The following PDCD5 variants were observed in gnomAD, a reference collection of about 807,000 sequenced individuals.
PDCD5 encodes programmed cell death protein 5.
In PDCD5, 23 loss-of-function variants were observed where a neutral mutation model predicts 21.9. The ratio of observed to expected loss-of-function variants is 1.05; its 90% CI spans 0.76 to 1.49. The LOEUF (loss-of-function observed/expected upper bound fraction) is 1.49, where lower values mean the gene tolerates loss of function less well. PDCD5 is among the 40% of genes most tolerant of loss of function. PDCD5 has a pLI of 0.00. For missense variants in PDCD5, 152 were observed against 147.7 expected (o/e 1.03, Z -0.15); for synonymous variants, 45 against 49.4 (o/e 0.91, Z 0.37).
Position 32,586,930 on chromosome 19 carries a change from G to GT in PDCD5, c.330+2dup, listed in dbSNP as rs1971483203. 1 of 1,607,904 alleles carries GT rather than the reference G, an allele frequency of 6.2e-7. No homozygotes were observed. Among genetic ancestry groups the GT allele is most frequent in the Non-Finnish European group, 8.5e-7 (1 of 1,175,864 alleles). ...AACAGAAAAGACAACAACAGTGAAA[G>GT]TAAGTGTCCCCAGATGCTTGTGGCA... On this transcript the variant is annotated splice_donor_variant, in intron 5 of 5. Coordinates refer to ENST00000590247, the MANE Select transcript of PDCD5 (RefSeq NM_004708.4). LOFTEE classifies it high-confidence loss of function.
chr19:32,584,566 C>G (rs1971458423), intron 2 of PDCD5, among the ~76,000 whole-genome samples: 1 of 152,170 alleles, frequency 6.6e-6, no homozygotes, highest in Non-Finnish European at 1.5e-5. Context: ...TCAGCTTTAT[C>G]TCTAAGAAAA....
chr19:32,582,050 G>A (rs770316724), intron 1 of PDCD5, 145 bp from the exon 2 acceptor site: 5 of 679,602 alleles, frequency 7.4e-6, no homozygotes, highest in Non-Finnish European at 1.3e-5. Context: ...CTAGTTCATT[G>A]ATTTCTGTGA....
Position 32,581,197 on chromosome 19 carries a change from A to G in PDCD5, c.-65A>G. ...CCCCGCGAGCGCCTGCGCAGTGGTC[A>G]AGGCCGCGCTCGCGCCGAGGGGCTG... On this transcript the variant is annotated 5_prime_UTR_variant, in exon 1 of 6. Coordinates refer to ENST00000590247, the MANE Select transcript of PDCD5 (RefSeq NM_004708.4). 1.6e-6 allele frequency: 2 copies of G among 1,254,148 alleles called. No homozygotes were observed. The highest frequency in any genetic ancestry group is 1.6e-5 in the South Asian group (1 of 63,770). The allele number at this position is 1,254,148 out of a possible 1,614,324, so 77.7% of individuals were successfully genotyped here. A position where few individuals can be genotyped will look rare whatever the true frequency, so the allele number is the denominator to read the frequency against.
chr19:32,581,198 A>T lies in PDCD5; in HGVS notation c.-64A>T. On this transcript the variant is annotated 5_prime_UTR_variant, in exon 1 of 6. The change creates a new upstream start codon in the 5' untranslated region. Coordinates refer to ENST00000590247, the MANE Select transcript of PDCD5 (RefSeq NM_004708.4). ...CCCGCGAGCGCCTGCGCAGTGGTCA[A>T]GGCCGCGCTCGCGCCGAGGGGCTGC... The T allele has an allele frequency of 2.4e-6, 3 of 1,257,600 alleles. No homozygotes were observed. The highest frequency in any genetic ancestry group is 3.1e-5 in the East Asian group (1 of 32,068). The allele number at this position is 1,257,600 out of a possible 1,614,324, so 77.9% of individuals were successfully genotyped here. A position where few individuals can be genotyped will look rare whatever the true frequency, so the allele number is the denominator to read the frequency against.
At position 32,586,931 on chromosome 19, in the gene PDCD5, T is replaced by C; in HGVS notation, c.330+2T>C. 6.2e-7 allele frequency: 1 copy of C among 1,607,414 alleles called. No individual in the cohort carries two copies. The highest frequency in any genetic ancestry group is 8.5e-7 in the Non-Finnish European group (1 of 1,175,430). ...ACAGAAAAGACAACAACAGTGAAAG[T>C]AAGTGTCCCCAGATGCTTGTGGCAA... On this transcript the variant is annotated splice_donor_variant, in intron 5 of 5. Transcript: ENST00000590247. LOFTEE classifies it high-confidence loss of function.
At chr19:32,583,934 C>A (rs1346825219) in intron 2 of PDCD5, among the ~76,000 whole-genome samples, 3 of 152,242 alleles carry the variant, frequency 2.0e-5, no homozygotes, top group African/African-American at 7.2e-5. Flanking sequence ...GAGCTTCAAG[C>A]GATTCTCCTG....
At chr19:32,585,699 C>G (rs979043997) in intron 3 of PDCD5, 117 bp from the exon 4 acceptor site, 1 of 680,056 alleles carries the variant, frequency 1.5e-6, no homozygotes, top group Non-Finnish European at 2.6e-6. Flanking sequence ...CTGTCTTGCC[C>G]TACACTGAGG....
chr19:32,581,576 T>G, intron 1 of PDCD5: 4 of 344,754 alleles, frequency 1.2e-5, no homozygotes, highest in East Asian at 4.5e-5. Context: ...TGGGGTCCCC[T>G]AGCCTGGAGC....
rs921777269 is a variant in PDCD5, at chr19:32,586,500, A to G, written c.259-358A>G. On this transcript the variant is annotated intron_variant, in intron 4 of 5. Transcript: ENST00000590247. ...CTTACCTCCTTCAAGGGGATGTTTA[A>G]GCTTCTCGGGCAGAAGTGGTGTGTC... 13 of 1,100,192 alleles carry G rather than the reference A, an allele frequency of 1.2e-5. No homozygotes were observed. The African/African-American group carries it at 2.0e-4, about 17-fold the overall frequency. 68.2% of individuals were successfully genotyped at this position (1,100,192 alleles called of 1,614,324 possible). A position where few individuals can be genotyped will look rare whatever the true frequency, so the allele number is the denominator to read the frequency against.
At chr19:32,581,853 G>A (rs1241772362) in intron 1 of PDCD5, among the ~76,000 whole-genome samples, 26 of 152,310 alleles carry the variant, frequency 1.7e-4, no homozygotes, top group Admixed American at 1.6e-3. Flanking sequence ...GGACCTTAGG[G>A]ACGGAGGGCG....
intron 2 of PDCD5, among the ~76,000 whole-genome samples, chr19:32,584,641 G>T (rs1899533044): frequency 6.6e-6 from 1 of 152,190 alleles, no homozygotes; most frequent in African/African-American, 2.4e-5. Context: ...TCTAGCACCT[G>T]TCACGCAATA....
At position 32,582,271 on chromosome 19, in the gene PDCD5, C is replaced by T; in HGVS notation, c.104+39C>T. ...ACGTGAACTTTTTGAAGGGTGGTTT[C>T]ACCAAATGGATTTCTTTTGCTGTAG... On this transcript the variant is annotated intron_variant, in intron 2 of 5. Transcript: ENST00000590247. 3 of 1,555,674 alleles carry T rather than the reference C, an allele frequency of 1.9e-6. No individual in the cohort carries two copies. In the South Asian group the frequency reaches 3.4e-5, roughly 17 times the overall value.
chr19:32,583,480 G>A lies in PDCD5; in HGVS notation c.104+1248G>A, dbSNP rs566982119. ...AACTTTTTTTTTTTTTAATAGCCTC[G>A]CTATATCACCCAGGCTGGTCTCAAA... On this transcript the variant is annotated intron_variant, in intron 2 of 5. Coordinates refer to ENST00000590247, the MANE Select transcript of PDCD5 (RefSeq NM_004708.4). 1.1e-4 allele frequency among the ~76,000 whole-genome samples: 17 copies of A among 149,814 alleles called. No homozygotes were observed. The South Asian group carries it at 3.2e-3, about 28-fold the overall frequency.
chr19:32,585,471 G>C (rs1971467355), intron 3 of PDCD5, among the ~76,000 whole-genome samples: 1 of 152,220 alleles, frequency 6.6e-6, no homozygotes, highest in Non-Finnish European at 1.5e-5. Flanking sequence ...AGCCCAGTTT[G>C]AGTGTAGAAA....
intron 1 of PDCD5, 77 bp from the exon 2 acceptor site, chr19:32,582,118 G>T: frequency 1.0e-6 from 1 of 998,604 alleles, no homozygotes; most frequent in Non-Finnish European, 1.6e-6. Context: ...GTTATGTATA[G>T]GAAACAACAG....
At chr19:32,583,742 ACTTGAGCACAGGAG>A (rs1971451613) in intron 2 of PDCD5, among the ~76,000 whole-genome samples, 1 of 152,016 alleles carries the variant, frequency 6.6e-6, no homozygotes, top group African/African-American at 2.4e-5. Context: ...GGGAAGAATC[ACTTGAGCACAGGAG>A]CTTGAGCTGA....
chr19:32,584,801 G>T, intron 2 of PDCD5, 149 bp from the exon 3 acceptor site: 1 of 669,198 alleles, frequency 1.5e-6, no homozygotes, highest in Non-Finnish European at 2.7e-6. Flanking sequence ...GAATGTAGCT[G>T]CAGCCTTATG....
intron 4 of PDCD5, chr19:32,586,432 T>C: frequency 8.9e-7 from 1 of 1,129,042 alleles, no homozygotes. Context: ...GAGAACTGCT[T>C]GTGTGGGAGA....
chr19:32,587,371 T>A lies in PDCD5; in HGVS notation c.*71T>A. On this transcript the variant is annotated 3_prime_UTR_variant, in exon 6 of 6. Transcript: ENST00000590247. The stretch of plus-strand genomic sequence containing the variant: ...CAGAAGTTAAGATCTGATTATTTAC[T>A]TTGTTTATTGTCTATATGCCTTTTA... 4.7e-6 allele frequency: 5 copies of A among 1,066,362 alleles called. No individual in the cohort carries two copies. The highest frequency in any genetic ancestry group is 7.1e-6 in the Non-Finnish European group (5 of 705,462). The allele number at this position is 1,066,362 out of a possible 1,614,324, so 66.1% of individuals were successfully genotyped here.
Sources: allele counts gnomAD v4.1 joint callset (sites outside exome capture counted in the v4.1 genomes callset), GRCh38; gene constraint gnomAD v4.1.1; transcripts MANE v1.5; gene names NCBI Gene and HGNC (gene_info 2026-07-23, HGNC 2026-07-21).